The following RALGAPA1 variants were observed in gnomAD, a reference collection of about 807,000 sequenced individuals.
RALGAPA1 encodes the protein ral GTPase-activating protein subunit alpha-1.
RALGAPA1 carries 52 observed loss-of-function variants against 269.6 expected under a neutral mutation model. The observed-to-expected ratio is 0.19, with a 90% CI of 0.15 to 0.24. The LOEUF (loss-of-function observed/expected upper bound fraction) is 0.24. Ranked by LOEUF, RALGAPA1 falls within the 10% of genes least tolerant of loss-of-function variation. The pLI is 1.00. For missense variants in RALGAPA1, 1,917 were observed against 3,013.9 expected (o/e 0.64, Z 8.52); for synonymous variants, 817 against 1,008.3 (o/e 0.81, Z 3.60).
intron 16 of RALGAPA1, 101 bp from the exon 17 acceptor site, chr14:35,700,403 G>A (rs937135779): frequency 3.4e-6 from 3 of 889,798 alleles, no homozygotes; most frequent in Non-Finnish European, 4.6e-6. Flanking sequence ...AAAACTAAAA[G>A]GTACAAAGGA....
At chr14:35,600,792 T>C (rs1228594940) in intron 36 of RALGAPA1, among the ~76,000 whole-genome samples, 1 of 152,238 alleles carries the variant, frequency 6.6e-6, no homozygotes, top group Non-Finnish European at 1.5e-5. Context: ...TTGTTTTAAA[T>C]ATTTGTAATC....
At position 35,808,929 on chromosome 14, in the gene RALGAPA1, G is replaced by C; in HGVS notation, c.-94C>G. On this transcript the variant is annotated 5_prime_UTR_variant, in exon 1 of 42. Transcript: ENST00000680220. The stretch of plus-strand genomic sequence containing the variant: ...GAGGGAGTGGACGGGGAGGAGACTA[G>C]CCAGAGAGGCTCATTAGCTCCCCAG... The C allele has an allele frequency of 1.3e-6, 2 of 1,513,336 alleles. No individual in the cohort carries two copies. Among genetic ancestry groups the C allele is most frequent in the Non-Finnish European group, 1.8e-6 (2 of 1,132,246 alleles). The allele number at this position is 1,513,336 out of a possible 1,614,324, so 93.7% of individuals were successfully genotyped here.
intron 33 of RALGAPA1, among the ~76,000 whole-genome samples, chr14:35,629,609 T>C (rs2061216656): frequency 6.6e-6 from 1 of 152,132 alleles, no homozygotes; most frequent in Non-Finnish European, 1.5e-5. Context: ...GTTCAAGCGA[T>C]TCTCCTGCCT....
At chr14:35,565,976 A>G (rs1480106040) in intron 39 of RALGAPA1, among the ~76,000 whole-genome samples, 1 of 152,200 alleles carries the variant, frequency 6.6e-6, no homozygotes, top group Admixed American at 6.5e-5. Flanking sequence ...CACTCTTTCA[A>G]TAGGTAACTA....
At chr14:35,548,232 G>GA (rs1401484126) in intron 41 of RALGAPA1, among the ~76,000 whole-genome samples, 3 of 151,268 alleles carry the variant, frequency 2.0e-5, no homozygotes, top group East Asian at 1.9e-4. Context: ...CTGAGAAACA[G>GA]AAAAAAAAGG....
At chr14:35,733,783 A>C (rs2070723940) in intron 12 of RALGAPA1, among the ~76,000 whole-genome samples, 2 of 152,212 alleles carry the variant, frequency 1.3e-5, no homozygotes, top group Admixed American at 1.3e-4. Context: ...AGAAAAAGCT[A>C]GTTCTTTGAA....
intron 12 of RALGAPA1, among the ~76,000 whole-genome samples, chr14:35,729,138 A>T (rs1312267506): frequency 6.6e-6 from 1 of 152,182 alleles, no homozygotes; most frequent in Admixed American, 6.5e-5. Flanking sequence ...ATGACACCTA[A>T]ATCAGGAAGA....
chr14:35,715,027 T>C (rs566009438), intron 16 of RALGAPA1, among the ~76,000 whole-genome samples: 4 of 152,222 alleles, frequency 2.6e-5, no homozygotes, highest in Non-Finnish European at 5.9e-5. Flanking sequence ...TCTTTGTCTT[T>C]CCATTCTGCT....
intron 37 of RALGAPA1, among the ~76,000 whole-genome samples, chr14:35,587,415 C>T (rs1360401031): frequency 6.6e-6 from 1 of 152,172 alleles, no homozygotes; most frequent in African/African-American, 2.4e-5. Flanking sequence ...AAAACACATG[C>T]ATACGTATGT....
At chr14:35,700,348 T>G in intron 16 of RALGAPA1, 46 bp from the exon 17 acceptor site, 1 of 1,430,414 alleles carries the variant, frequency 7.0e-7, no homozygotes, top group Non-Finnish European at 9.2e-7. Context: ...AAAAGAAGAG[T>G]GACTATAATG....
chr14:35,656,450 T>C (rs1345581860), intron 28 of RALGAPA1, among the ~76,000 whole-genome samples: 4 of 152,204 alleles, frequency 2.6e-5, no homozygotes, highest in Non-Finnish European at 5.9e-5. Flanking sequence ...TGTTCCCCAA[T>C]GTATTGCAAA....
chr14:35,588,973 A>G (rs2058473844), intron 37 of RALGAPA1, among the ~76,000 whole-genome samples: 1 of 152,214 alleles, frequency 6.6e-6, no homozygotes, highest in Non-Finnish European at 1.5e-5. Context: ...ATTAACCTGA[A>G]GGACTTTATG....
At chr14:35,712,482 T>G (rs1416771309) in intron 16 of RALGAPA1, among the ~76,000 whole-genome samples, 2 of 152,090 alleles carry the variant, frequency 1.3e-5, no homozygotes, top group African/African-American at 4.8e-5. Flanking sequence ...CTGACAGTCT[T>G]TATTTCTCCT....
intron 36 of RALGAPA1, among the ~76,000 whole-genome samples, chr14:35,600,712 C>A (rs767559782): frequency 1.3e-5 from 2 of 152,128 alleles, no homozygotes; most frequent in Non-Finnish European, 2.9e-5. Flanking sequence ...TTTTCTATTT[C>A]TTTGCTGAGA....
intron 17 of RALGAPA1, among the ~76,000 whole-genome samples, 180 bp from the exon 18 acceptor site, chr14:35,690,183 T>C (rs1356721792): frequency 6.6e-6 from 1 of 152,208 alleles, no homozygotes; most frequent in South Asian, 2.1e-4. Context: ...CAAGCCAATA[T>C]AGCATGTAGT....
rs2059554916 is a variant in RALGAPA1 at position 35,605,679 on chromosome 14, A to G, written c.6960T>C (p.Tyr2320=). ...CRETHKIAVF[Y]VAEGQEDKHS... is the part of the protein sequence containing the mutation. ...GTTTGTCTTCTTGTCCTTCAGCAAC[A>G]TAAAATACTGCAATCTTGTGTGTCT... The change falls in exon 36 of 42, where the codon TAT becomes TAC. Residue 2320 remains tyrosine (Y), a synonymous_variant. Coordinates refer to ENST00000680220, the MANE Select transcript of RALGAPA1 (RefSeq NM_001346249.2). 6.2e-7 allele frequency: 1 copy of G among 1,610,934 alleles called. No homozygotes were observed. Among genetic ancestry groups the G allele is most frequent in the Non-Finnish European group, 8.5e-7 (1 of 1,179,068 alleles).
intron 4 of RALGAPA1, chr14:35,766,902 C>A: frequency 2.3e-6 from 1 of 426,008 alleles, no homozygotes; most frequent in Admixed American, 3.0e-5. Context: ...GGACTGTCAG[C>A]AGTGAGTAAC....
rs566191824 is a variant in RALGAPA1, at chr14:35,781,254, T to C, written c.107-5509A>G. On this transcript the variant is annotated intron_variant, in intron 1 of 41. Coordinates refer to ENST00000680220, the MANE Select transcript of RALGAPA1 (RefSeq NM_001346249.2). ...CTGTATGCTAGCAAATTACACAGCC[T>C]ATATGAAATGAACAAATTACTAGAA... is the stretch of plus-strand genomic sequence containing the variant. Among the ~76,000 whole-genome samples, 3 of 152,232 alleles carry C rather than the reference T, an allele frequency of 2.0e-5. No homozygotes were observed. The South Asian group carries it at 6.2e-4, about 32-fold the overall frequency.
At chr14:35,626,867 C>T (rs2061021527) in intron 34 of RALGAPA1, among the ~76,000 whole-genome samples, 1 of 151,136 alleles carries the variant, frequency 6.6e-6, no homozygotes, top group African/African-American at 2.4e-5. Context: ...CAAATAGTTC[C>T]AGTAGTTATT....
Sources: allele counts gnomAD v4.1 joint callset (sites outside exome capture counted in the v4.1 genomes callset), GRCh38; gene constraint gnomAD v4.1.1; transcripts MANE v1.5; gene names NCBI Gene and HGNC (gene_info 2026-07-23, HGNC 2026-07-21).